The following EYS variants were observed in gnomAD, a reference collection of about 807,000 sequenced individuals.
EYS encodes protein eyes shut homolog.
Under a neutral mutation model 282.1 loss-of-function variants are expected in EYS, and 250 were observed. The ratio of observed to expected loss-of-function variants is 0.89; its 90% CI spans 0.80 to 0.98. EYS has a LOEUF of 0.98. Ranked by LOEUF, EYS falls within the 50% of genes least tolerant of loss-of-function variation. EYS has a pLI of 0.00. For synonymous variants in EYS, 1,355 were observed against 1,282.9 expected (o/e 1.06, Z -1.20); for missense variants, 4,016 against 3,709.0 (o/e 1.08, Z -2.15).
intron 26 of EYS, among the ~76,000 whole-genome samples, chr6:64,541,399 A>AT: frequency 6.6e-6 from 1 of 152,244 alleles, no homozygotes; most frequent in East Asian, 1.9e-4. Flanking sequence ...TAATCTTGAG[A>AT]TTTTTCTAAC....
In EYS at chr6:65,654,719, G is replaced by A. The variant is rs115112901; in HGVS notation, c.-447-14827C>T. ...TGTTCACTGAATTGAGTCAAGAAAC[G>A]CTCAATAAAAGGGAAAAAGAACTAA... On this transcript the variant is annotated intron_variant, in intron 1 of 42. Coordinates refer to ENST00000503581, the MANE Select transcript of EYS (RefSeq NM_001142800.2). Among the ~76,000 whole-genome samples, 747 of 151,488 alleles carry A rather than the reference G, an allele frequency of 4.9e-3. 6 individuals are homozygous for A. Among genetic ancestry groups the A allele is most frequent in the African/African-American group, 0.017 (705 of 41,382 alleles).
At chr6:64,584,690 A>T (rs536164921) in intron 26 of EYS, among the ~76,000 whole-genome samples, 4 of 152,202 alleles carry the variant, frequency 2.6e-5, no homozygotes, top group Admixed American at 2.6e-4. Context: ...TTTATTTGCA[A>T]ATTGTTTTAC....
At chr6:64,476,829 C>T (rs1218667963) in intron 26 of EYS, among the ~76,000 whole-genome samples, 1 of 152,036 alleles carries the variant, frequency 6.6e-6, no homozygotes, top group Non-Finnish European at 1.5e-5. Flanking sequence ...TTAATGAGCC[C>T]AAACATCTTA....
chr6:64,477,116 CA>C lies in EYS; in HGVS notation c.5645-37765del, dbSNP rs555851271. On this transcript the variant is annotated intron_variant, in intron 26 of 42. Transcript: ENST00000503581. ...CTCACACCAGCCCCCACAGTTTTTT[CA>C]ATGTGAATTATGCTTTCCCTTCAAG... Among the ~76,000 whole-genome samples, 6 of 152,236 alleles carry C rather than the reference CA, an allele frequency of 3.9e-5. No individual in the cohort carries two copies. In the East Asian group the frequency reaches 1.2e-3, roughly 29 times the overall value.
At chr6:63,771,106 A>G (rs1769917509) in intron 40 of EYS, among the ~76,000 whole-genome samples, 1 of 152,150 alleles carries the variant, frequency 6.6e-6, no homozygotes, top group Non-Finnish European at 1.5e-5. Context: ...TAACAGTTGC[A>G]CTCAGAATTC....
At chr6:64,519,684 A>C (rs553433941) in intron 26 of EYS, among the ~76,000 whole-genome samples, 1 of 151,938 alleles carries the variant, frequency 6.6e-6, no homozygotes, top group South Asian at 2.1e-4. Flanking sequence ...AGGATGTGAA[A>C]AGGTTAACAT....
intron 22 of EYS, among the ~76,000 whole-genome samples, chr6:64,774,791 A>G (rs905976219): frequency 6.6e-6 from 1 of 151,868 alleles, no homozygotes; most frequent in Admixed American, 6.6e-5. Context: ...TTTTGGGCCC[A>G]TCTTTCCCTG....
chr6:65,527,941 C>T (rs1028838398), intron 2 of EYS, among the ~76,000 whole-genome samples: 1 of 152,128 alleles, frequency 6.6e-6, no homozygotes, highest in African/African-American at 2.4e-5. Flanking sequence ...TCAATAGGCT[C>T]ACGACTATTG....
chr6:64,328,506 G>A (rs887299360), intron 29 of EYS, among the ~76,000 whole-genome samples: 21 of 152,312 alleles, frequency 1.4e-4, no homozygotes, highest in Middle Eastern at 3.4e-3. Context: ...TGAATTTTAT[G>A]AGAGGCTGTG....
intron 26 of EYS, among the ~76,000 whole-genome samples, chr6:64,444,029 A>T (rs1015463336): frequency 2.6e-5 from 4 of 152,190 alleles, no homozygotes; most frequent in African/African-American, 7.2e-5. Flanking sequence ...TTTAGCAGAA[A>T]CATGCCCATG....
intron 29 of EYS, among the ~76,000 whole-genome samples, chr6:64,367,245 C>T (rs543085645): frequency 6.6e-6 from 1 of 152,116 alleles, no homozygotes; most frequent in South Asian, 2.1e-4. Flanking sequence ...AAAAATGGCT[C>T]ATGAGAATCT....
At chr6:65,030,818 T>C (rs2150143692) in intron 13 of EYS, among the ~76,000 whole-genome samples, 1 of 152,240 alleles carries the variant, frequency 6.6e-6, no homozygotes, top group Non-Finnish European at 1.5e-5. Context: ...ACCTTGAATG[T>C]AAATAGGTAA....
intron 2 of EYS, among the ~76,000 whole-genome samples, chr6:65,615,790 C>T (rs1167888377): frequency 1.3e-5 from 2 of 151,802 alleles, no homozygotes; most frequent in South Asian, 2.1e-4. Context: ...AAAAATTAGC[C>T]GGTCGTGGTG....
At chr6:65,583,277 C>T (rs1015169652) in intron 2 of EYS, among the ~76,000 whole-genome samples, 2 of 151,338 alleles carry the variant, frequency 1.3e-5, no homozygotes, top group Admixed American at 6.6e-5. Flanking sequence ...ACTAATTTGC[C>T]GTAAGAAGAA....
intron 12 of EYS, among the ~76,000 whole-genome samples, chr6:65,063,267 C>T (rs1773633339): frequency 6.6e-6 from 1 of 151,944 alleles, no homozygotes; most frequent in South Asian, 2.1e-4. Flanking sequence ...GAAGCTATTG[C>T]TTATCCTACT....
At chr6:64,486,021 T>C (rs1405826833) in intron 26 of EYS, among the ~76,000 whole-genome samples, 1 of 151,454 alleles carries the variant, frequency 6.6e-6, no homozygotes, top group African/African-American at 2.4e-5. Flanking sequence ...GTAATAGCTA[T>C]TTAAAAAGTA....
At chr6:64,427,544 C>T (rs534345716) in intron 28 of EYS, among the ~76,000 whole-genome samples, 1 of 152,098 alleles carries the variant, frequency 6.6e-6, no homozygotes, top group African/African-American at 2.4e-5. Flanking sequence ...CTTCAATATG[C>T]TCTCATTATA....
rs141396940 is a variant in EYS, at chr6:65,331,152, T to C, written c.1766+3828A>G. Reference sequence around the variant, plus strand: ...TAATTTAGAAAATATTATTCATAAATATATATAACATGATAATTAGTTTCT... The same window carrying C: ...TAATTTAGAAAATATTATTCATAAACATATATAACATGATAATTAGTTTCT... On this transcript the variant is annotated intron_variant, in intron 11 of 42. Transcript: ENST00000503581. 8.9e-6 allele frequency: 8 copies of C among 895,538 alleles called. No homozygotes were observed. The African/African-American group carries it at 1.3e-4, about 14-fold the overall frequency. The allele number at this position is 895,538 out of a possible 1,614,324, so 55.5% of individuals were successfully genotyped here. A position where few individuals can be genotyped will look rare whatever the true frequency, so the allele number is the denominator to read the frequency against.
chr6:64,163,637 T>A (rs1326508179), intron 31 of EYS, among the ~76,000 whole-genome samples: 3 of 152,086 alleles, frequency 2.0e-5, no homozygotes, highest in Non-Finnish European at 4.4e-5. Flanking sequence ...TAAATGGGAG[T>A]AAATATTACT....
Sources: gnomAD v4.1 joint callset for allele counts (sites outside exome capture counted in the v4.1 genomes callset) on GRCh38, gnomAD v4.1.1 for gene constraint, MANE v1.5 for transcripts, NCBI Gene and HGNC (gene_info 2026-07-23, HGNC 2026-07-21) for gene names.